LMX1B: variants seen among roughly 807,000 people sequenced by gnomAD.
LMX1B encodes LIM homeobox transcription factor 1-beta.
LMX1B carries 12 observed loss-of-function variants against 51.4 expected under a neutral mutation model. The observed-to-expected ratio is 0.23, with a 90% confidence interval of 0.15 to 0.38. The LOEUF is 0.38. LMX1B is among the 10% of genes least tolerant of loss of function. The pLI, the probability that LMX1B is intolerant of heterozygous loss-of-function variation, is 1.00. For synonymous variants in LMX1B, 237 were observed against 235.4 expected, an observed-to-expected ratio of 1.01 and a Z score of -0.06; for missense variants, 445 against 571.1, an observed-to-expected ratio of 0.78 and a Z score of 2.25.
chr9:126,683,311 G>GC (rs1836712460), intron 2 of LMX1B, among the ~76,000 whole-genome samples: 1 of 151,780 alleles, frequency 6.6e-6, no homozygotes, highest in African/African-American at 2.4e-5. Context: ...CGCCCGCCCG[G>GC]CCCGCGGCCG....
intron 2 of LMX1B, among the ~76,000 whole-genome samples, chr9:126,678,683 T>C (rs975383056): frequency 2.0e-5 from 3 of 152,178 alleles, no homozygotes; most frequent in Admixed American, 2.0e-4. Context: ...CAGTAAGATG[T>C]GTCACTGGCC....
chr9:126,640,446 C>G (rs1835788993), intron 2 of LMX1B, among the ~76,000 whole-genome samples: 1 of 152,176 alleles, frequency 6.6e-6, no homozygotes, highest in South Asian at 2.1e-4. Flanking sequence ...TGACCTGTAT[C>G]TGAGGGCAGG....
chr9:126,689,535 T>A (rs1407322134), intron 2 of LMX1B, among the ~76,000 whole-genome samples: 1 of 152,228 alleles, frequency 6.6e-6, no homozygotes, highest in African/African-American at 2.4e-5. Context: ...TGATTCTTCA[T>A]AAATTTTTCC....
chr9:126,689,358 G>C (rs1054509402), intron 2 of LMX1B, among the ~76,000 whole-genome samples: 9 of 152,228 alleles, frequency 5.9e-5, no homozygotes, highest in African/African-American at 1.7e-4. Context: ...GGCCATTTCT[G>C]TTCCAGAACC....
chr9:126,673,992 G>C lies in LMX1B; in HGVS notation c.327-16844G>C, dbSNP rs1407429048. On this transcript the variant is annotated intron_variant, in intron 2 of 7. Transcript: ENST00000373474. The surrounding 1 kb of genome is among the most constrained non-coding windows in gnomAD (Gnocchi z 4.4). ...GATGCTGGCTGATAGATGGGGATGG[G>C]CGGACTGTTAACCCCTCGTTGCCTG... Among the ~76,000 whole-genome samples, 4 of 152,144 alleles carry C rather than the reference G, an allele frequency of 2.6e-5. No homozygotes were observed. Among genetic ancestry groups the C allele is most frequent in the African/African-American group, 9.7e-5 (4 of 41,418 alleles).
intron 2 of LMX1B, among the ~76,000 whole-genome samples, chr9:126,632,846 C>T (rs1391280666): frequency 6.6e-6 from 1 of 152,204 alleles, no homozygotes; most frequent in African/African-American, 2.4e-5. Flanking sequence ...CCCCACTGGG[C>T]CCCACACCCA....
intron 2 of LMX1B, among the ~76,000 whole-genome samples, chr9:126,652,724 G>A (rs1182330162): frequency 1.3e-5 from 2 of 152,202 alleles, no homozygotes; most frequent in African/African-American, 4.8e-5. Context: ...CATGATGGGG[G>A]TCCCTGCCAA....
intron 3 of LMX1B, 103 bp from the exon 4 acceptor site, chr9:126,693,037 CAG>C (rs1407508720): frequency 8.1e-7 from 1 of 1,235,618 alleles, no homozygotes; most frequent in Non-Finnish European, 1.1e-6. Flanking sequence ...CAGGTGTCAA[CAG>C]AGGGGACAGG....
At chr9:126,617,041 G>A (rs1311945622) in intron 2 of LMX1B, among the ~76,000 whole-genome samples, 5 of 152,212 alleles carry the variant, frequency 3.3e-5, no homozygotes, top group Non-Finnish European at 5.9e-5. Flanking sequence ...GCCGTAGGTC[G>A]GCTTTGTGCT....
At chr9:126,692,648 C>G (rs2030172789) in intron 3 of LMX1B, among the ~76,000 whole-genome samples, 1 of 152,238 alleles carries the variant, frequency 6.6e-6, no homozygotes, top group Admixed American at 6.5e-5. Flanking sequence ...TGTGTGCGTG[C>G]ATACGCTGTG....
At chr9:126,665,710 A>G (rs2118932661) in intron 2 of LMX1B, among the ~76,000 whole-genome samples, 1 of 152,308 alleles carries the variant, frequency 6.6e-6, no homozygotes, top group Non-Finnish European at 1.5e-5. Context: ...CCAGCCGTGG[A>G]GAATCGCTGG....
intron 2 of LMX1B, among the ~76,000 whole-genome samples, chr9:126,676,134 G>C (rs1187766251): frequency 5.9e-5 from 9 of 151,400 alleles, no homozygotes; most frequent in African/African-American, 2.2e-4. Flanking sequence ...GCTTCCTCTT[G>C]CTCCAGGCAC....
intron 2 of LMX1B, among the ~76,000 whole-genome samples, chr9:126,632,223 G>A (rs894707953): frequency 2.0e-5 from 3 of 152,206 alleles, no homozygotes; most frequent in Admixed American, 2.0e-4. Context: ...TTTCTTAGAG[G>A]GAAGAGTTGT....
chr9:126,645,601 C>CCCTT (rs1361499209), intron 2 of LMX1B, among the ~76,000 whole-genome samples: 7 of 152,300 alleles, frequency 4.6e-5, no homozygotes, highest in Non-Finnish European at 8.8e-5. Context: ...GAGGAGAAGT[C>CCCTT]AACAGTGTAG....
chr9:126,667,991 A>C (rs1264640102), intron 2 of LMX1B, among the ~76,000 whole-genome samples: 1 of 152,184 alleles, frequency 6.6e-6, no homozygotes, highest in Non-Finnish European at 1.5e-5. Flanking sequence ...TGATTGAGGA[A>C]GAAAGTGCAG....
chr9:126,619,775 C>T (rs1588261219), intron 2 of LMX1B, among the ~76,000 whole-genome samples: 3 of 152,274 alleles, frequency 2.0e-5, no homozygotes, highest in Admixed American at 2.0e-4. Context: ...ACTCCCCGGG[C>T]GCTGGGCTGG....
At chr9:126,646,373 C>G (rs60172576) in intron 2 of LMX1B, among the ~76,000 whole-genome samples, 2 of 151,906 alleles carry the variant, frequency 1.3e-5, no homozygotes, top group African/African-American at 4.8e-5. Context: ...CCCATCTATC[C>G]GCTTATCCGC....
intron 2 of LMX1B, among the ~76,000 whole-genome samples, chr9:126,638,374 TCTGCACCACC>T (rs1490110779): frequency 2.0e-5 from 3 of 151,836 alleles, no homozygotes; most frequent in African/African-American, 7.3e-5. Context: ...CCCTGCAGCC[TCTGCACCACC>T]CTGCAGCCCA....
chr9:126,680,969 C>T lies in LMX1B; in HGVS notation c.327-9867C>T, dbSNP rs886716022. ...TGGTCAGAGGGATGTGATGCTCCAC[C>T]TCCTACCTGCACCTGACCTGTCTCG... On this transcript the variant is annotated intron_variant, in intron 2 of 7. Coordinates refer to ENST00000373474, the MANE Select transcript of LMX1B (RefSeq NM_001174147.2). Among the ~76,000 whole-genome samples, 9 of 152,208 alleles carry T rather than the reference C, an allele frequency of 5.9e-5. 2 individuals carry two copies.
Sources: gnomAD v4.1 joint callset for allele counts (sites outside exome capture counted in the v4.1 genomes callset) on GRCh38, gnomAD v4.1.1 for gene constraint, Gnocchi (gnomAD v3.1) non-coding constraint, MANE v1.5 for transcripts, NCBI Gene and HGNC (gene_info 2026-07-23, HGNC 2026-07-21) for gene names.